The following RNF4 variants were observed in gnomAD, a reference collection of about 807,000 sequenced individuals.
The protein encoded by RNF4 is ring finger protein 4.
In RNF4, 7 loss-of-function variants were observed where a neutral mutation model predicts 24.3. The observed-to-expected ratio is 0.29, with a 90% CI of 0.16 to 0.54. The LOEUF is 0.54. Ranked by LOEUF, RNF4 falls within the 20% of genes least tolerant of loss-of-function variation. RNF4 has a pLI of 0.95. For synonymous variants in RNF4, 83 were observed against 84.3 expected, an observed-to-expected ratio of 0.98 and a Z score of 0.09; for missense variants, 209 against 248.5, an observed-to-expected ratio of 0.84 and a Z score of 1.07.
At chr4:2,490,991 G>C (rs1735562076) in intron 2 of RNF4, among the ~76,000 whole-genome samples, 1 of 152,168 alleles carries the variant, frequency 6.6e-6, no homozygotes, top group Non-Finnish European at 1.5e-5. Context: ...GGGAGGCTGA[G>C]GCAGGAAGAT....
In RNF4 at chr4:2,513,991, T is replaced by C; in HGVS notation, c.*172T>C. The C allele has an allele frequency of 1.1e-6, 1 of 874,356 alleles. No homozygotes were observed. The allele number at this position is 874,356 out of a possible 1,614,324, so 54.2% of individuals were successfully genotyped here. A position where few individuals can be genotyped will look rare whatever the true frequency, so the allele number is the denominator to read the frequency against. ...CCTTTTGTTATCTCCAGTTTGATGC[T>C]ATGGCGCTGGACCCAGGGCCCTCCC... On this transcript the variant is annotated 3_prime_UTR_variant, in exon 8 of 8. Coordinates refer to ENST00000314289, the MANE Select transcript of RNF4 (RefSeq NM_002938.5).
intron 1 of RNF4, among the ~76,000 whole-genome samples, chr4:2,487,055 C>G (rs1735432592): frequency 1.3e-5 from 2 of 152,180 alleles, no homozygotes; most frequent in Admixed American, 1.3e-4. Flanking sequence ...ACCAACTAGA[C>G]AAGTCTTTTC....
At chr4:2,489,247 C>T (rs183264098) in intron 1 of RNF4, among the ~76,000 whole-genome samples, 4 of 152,122 alleles carry the variant, frequency 2.6e-5, no homozygotes, top group South Asian at 4.1e-4. Context: ...GCAAATGTTT[C>T]GGAAAGATGG....
chr4:2,499,146 G>A (rs1454212092), intron 3 of RNF4, among the ~76,000 whole-genome samples: 4 of 152,034 alleles, frequency 2.6e-5, no homozygotes, highest in African/African-American at 7.2e-5. Context: ...GCAGTGAGCC[G>A]AGATCGTGCC....
chr4:2,481,937 G>A (rs1223721284), intron 1 of RNF4, among the ~76,000 whole-genome samples: 1 of 152,132 alleles, frequency 6.6e-6, no homozygotes, highest in Non-Finnish European at 1.5e-5. Context: ...ACACTGATTT[G>A]TTAGTCTACT....
chr4:2,512,740 T>C lies in RNF4; in HGVS notation c.374+143T>C. On this transcript the variant is annotated intron_variant, in intron 6 of 7. Coordinates refer to ENST00000314289, the MANE Select transcript of RNF4 (RefSeq NM_002938.5). The surrounding 1 kb of genome is among the most constrained non-coding windows in gnomAD (Gnocchi z 4.1). ...CCCAGCATCTGGATACAGTTGGAACTGGGTCCAGAACTGAGTCCAGCTATT... is the reference window on the plus strand; with the variant it reads ...CCCAGCATCTGGATACAGTTGGAACCGGGTCCAGAACTGAGTCCAGCTATT... The C allele has an allele frequency of 1.0e-6, 1 of 979,996 alleles. No individual in the cohort carries two copies. Among genetic ancestry groups the C allele is most frequent in the Non-Finnish European group, 1.5e-6 (1 of 675,934 alleles). 60.7% of individuals were successfully genotyped at this position (979,996 alleles called of 1,614,324 possible).
chr4:2,509,302 C>T (rs1736198602), intron 4 of RNF4, among the ~76,000 whole-genome samples: 1 of 152,042 alleles, frequency 6.6e-6, no homozygotes, highest in Admixed American at 6.6e-5. Context: ...ACTGCCCCCT[C>T]CACCTCCTGG....
rs368998654 is a variant in RNF4, at chr4:2,497,067, A to T, written c.70A>T (p.Thr24Ser). The T allele has an allele frequency of 1.9e-6, 3 of 1,609,724 alleles. No individual in the cohort carries two copies. The highest frequency in any genetic ancestry group is 1.7e-5 in the Admixed American group (1 of 59,388). The change falls in exon 3 of 8, where the codon ACC becomes TCC. Residue 24 changes from threonine to serine, a missense_variant. Coordinates refer to ENST00000314289, the MANE Select transcript of RNF4 (RefSeq NM_002938.5). ...AGCTCAGAAGCGAACTCGGGAAGCA[A>T]CCTCCACCCCCGAGATCTCCTTGGA... ...RQAQKRTREATSTPEISLEAE... is the reference protein window; with the variant it reads ...RQAQKRTREASSTPEISLEAE...
intron 3 of RNF4, among the ~76,000 whole-genome samples, chr4:2,500,401 A>C (rs964862876): frequency 4.6e-5 from 7 of 152,144 alleles, no homozygotes; most frequent in Non-Finnish European, 1.0e-4. Context: ...AGAGGTATGC[A>C]CATGCGCACA....
At chr4:2,492,783 C>T (rs1735619604) in intron 2 of RNF4, among the ~76,000 whole-genome samples, 1 of 152,216 alleles carries the variant, frequency 6.6e-6, no homozygotes, top group Non-Finnish European at 1.5e-5. Flanking sequence ...CTTTGACCTC[C>T]CACCTTGGTG....
chr4:2,489,861 G>A (rs1735529174), intron 1 of RNF4: 1 of 152,122 alleles, frequency 6.6e-6, no homozygotes, highest in Non-Finnish European at 1.5e-5. Context: ...CATTCACCTG[G>A]TCCCAGCAAC....
intron 1 of RNF4, among the ~76,000 whole-genome samples, chr4:2,477,268 A>T (rs575100373): frequency 2.0e-5 from 3 of 151,898 alleles, no homozygotes; most frequent in Admixed American, 2.0e-4. Flanking sequence ...TGCTGTTCTC[A>T]TGATGGTGAA....
At position 2,497,014 on chromosome 4, in the gene RNF4, G is replaced by C; in HGVS notation, c.17G>C (p.Arg6Pro). The change falls in exon 3 of 8, where the codon CGT (arginine) becomes CCT (proline). Residue 6 changes from arginine to proline, a missense_variant. Arg to Pro is a moderately radical substitution (Grantham distance 103). Transcript: ENST00000314289. ...TTCCCCCTTGCTACTCAGAGAAAGCGTCGTGGTGGAGCAATAAATTCTAGA... is the reference window on the plus strand; with the variant it reads ...TTCCCCCTTGCTACTCAGAGAAAGCCTCGTGGTGGAGCAATAAATTCTAGA... MSTRK[R>P]RGGAINSRQA... 2 of 1,599,604 alleles carry C rather than the reference G, an allele frequency of 1.3e-6. No individual in the cohort carries two copies.
chr4:2,492,284 GTCC>G (rs1371997287), intron 2 of RNF4, among the ~76,000 whole-genome samples: 1 of 152,144 alleles, frequency 6.6e-6, no homozygotes, highest in African/African-American at 2.4e-5. Context: ...GCTTCAAGCA[GTCC>G]TCCCACCTAG....
At chr4:2,509,507 C>T (rs896610834) in intron 4 of RNF4, among the ~76,000 whole-genome samples, 1 of 152,122 alleles carries the variant, frequency 6.6e-6, no homozygotes, top group Admixed American at 6.6e-5. Context: ...TGTGAGCCAC[C>T]GCGCCCAGCC....
intron 4 of RNF4, among the ~76,000 whole-genome samples, chr4:2,509,987 G>A (rs981096255): frequency 1.3e-5 from 2 of 152,190 alleles, no homozygotes; most frequent in African/African-American, 2.4e-5. Context: ...GATTTCATGC[G>A]GACAGTACAT....
chr4:2,508,607 T>TTTTTG (rs1391983812), intron 4 of RNF4, among the ~76,000 whole-genome samples: 1 of 152,118 alleles, frequency 6.6e-6, no homozygotes, highest in African/African-American at 2.4e-5. Context: ...TTGTTTTTTG[T>TTTTTG]TTTTGTTTTG....
chr4:2,502,105 G>A (rs1352445354), intron 4 of RNF4, among the ~76,000 whole-genome samples: 1 of 152,218 alleles, frequency 6.6e-6, no homozygotes, highest in African/African-American at 2.4e-5. Flanking sequence ...GGCAGCTACA[G>A]CACAGTCACT....
At chr4:2,478,536 G>C (rs1040682231) in intron 1 of RNF4, among the ~76,000 whole-genome samples, 1 of 152,228 alleles carries the variant, frequency 6.6e-6, no homozygotes, top group African/African-American at 2.4e-5. Context: ...GGTGCCCTGC[G>C]TTCCAGCCGT....
Sources: gnomAD v4.1 joint callset for allele counts (sites outside exome capture counted in the v4.1 genomes callset) on GRCh38, gnomAD v4.1.1 for gene constraint, Gnocchi (gnomAD v3.1) non-coding constraint, MANE v1.5 for transcripts, NCBI Gene and HGNC (gene_info 2026-07-23, HGNC 2026-07-21) for gene names.